The following NUP205 variants were observed in gnomAD, a reference collection of about 807,000 sequenced individuals.
The protein encoded by NUP205 is nuclear pore complex protein Nup205.
Under a neutral mutation model 253.8 loss-of-function variants are expected in NUP205, and 76 were observed. That is an observed-to-expected ratio of 0.30 (90% CI 0.25 to 0.36). The LOEUF (loss-of-function observed/expected upper bound fraction) is 0.36. Among genes scored for constraint, NUP205 ranks in the 10% least tolerant of loss-of-function variants. The probability of loss-of-function intolerance (pLI) is 1.00; values close to 1 mark genes in which losing one functional copy is unlikely to be tolerated. For synonymous variants in NUP205, 832 were observed against 850.1 expected, an observed-to-expected ratio of 0.98 and a Z score of 0.37; for missense variants, 2,162 against 2,425.5, an observed-to-expected ratio of 0.89 and a Z score of 2.28.
chr7:135,615,428 A>G (rs749032763), intron 23 of NUP205, among the ~76,000 whole-genome samples: 10 of 152,140 alleles, frequency 6.6e-5, no homozygotes, highest in Non-Finnish European at 1.0e-4. Context: ...AATAAAAACT[A>G]TTGTATAAGT....
chr7:135,617,141 TC>T lies in NUP205; in HGVS notation c.3587del (p.Pro1196LeufsTer42). 6.2e-7 allele frequency: 1 copy of T among 1,613,654 alleles called. No homozygotes were observed. The highest frequency in any genetic ancestry group is 8.5e-7 in the Non-Finnish European group (1 of 1,179,638). The stretch of plus-strand genomic sequence containing the variant: ...GACTCGATTGACTTCAGTCAGGAGA[TC>T]CCTGAGCCTTTGCAGTTGGATTTTT... Reference protein sequence around the residue: ...ILDSIDFSQEIPEPLQLDFFD... With the variant: ...ILDSIDFSQEXPEPLQLDFFD... On this transcript the variant is annotated frameshift_variant, in exon 26 of 43. Coordinates refer to ENST00000285968, the MANE Select transcript of NUP205 (RefSeq NM_015135.3). LOFTEE classifies it high-confidence loss of function.
chr7:135,567,124 G>GTATATGTATA (rs1310178860), intron 1 of NUP205, among the ~76,000 whole-genome samples: 1 of 24,238 alleles, frequency 4.1e-5, no homozygotes, highest in African/African-American at 1.6e-4. Flanking sequence ...CTCAGTCTAT[G>GTATATGTATA]TGTGTATATA....
At chr7:135,615,118 C>A (rs1220758654) in intron 23 of NUP205, among the ~76,000 whole-genome samples, 1 of 152,144 alleles carries the variant, frequency 6.6e-6, no homozygotes, top group Admixed American at 6.6e-5. Flanking sequence ...AAATTAACAT[C>A]TTACCTATTA....
At chr7:135,615,213 T>C (rs908581951) in intron 23 of NUP205, among the ~76,000 whole-genome samples, 2 of 152,160 alleles carry the variant, frequency 1.3e-5, no homozygotes, top group African/African-American at 4.8e-5. Flanking sequence ...GTTTATACTG[T>C]CACAGTTTAG....
At chr7:135,639,112 TA>T (rs1320201783) in intron 38 of NUP205, among the ~76,000 whole-genome samples, 1 of 152,192 alleles carries the variant, frequency 6.6e-6, no homozygotes, top group Non-Finnish European at 1.5e-5. Flanking sequence ...TAGGCCAACT[TA>T]CCCTATAATT....
chr7:135,591,466 T>G lies in NUP205; in HGVS notation c.1490T>G (p.Phe497Cys), dbSNP rs1806627079. 1 of 1,613,978 alleles carries G rather than the reference T, an allele frequency of 6.2e-7. No individual in the cohort carries two copies. The highest frequency in any genetic ancestry group is 8.5e-7 in the Non-Finnish European group (1 of 1,179,888). ...CTTTTTCAGGTTGTCTTGTCAAAGTTTGTTAGGCAAATGGGTGACCTGTTG... is the reference window on the plus strand; with the variant it reads ...CTTTTTCAGGTTGTCTTGTCAAAGTGTGTTAGGCAAATGGGTGACCTGTTG... ...PPQRQVVLSK[F>C]VRQMGDLLPP... is the part of the protein sequence containing the mutation. Residue 497 changes from phenylalanine (F) to cysteine (C), a missense_variant, in exon 11 of 43, where the codon TTT (phenylalanine) becomes TGT (cysteine). Phe to Cys is a radical substitution (Grantham distance 205). This residue lies in a region of NUP205 where 892 missense variants were observed against 957.1 expected (regional missense o/e 0.93). Coordinates refer to ENST00000285968, the MANE Select transcript of NUP205 (RefSeq NM_015135.3).
rs1793965004 is a variant in NUP205 at position 135,601,523 on chromosome 7, C to A, written c.2512+16C>A. On this transcript the variant is annotated intron_variant, in intron 17 of 42. Transcript: ENST00000285968. ...CCCTTTCCTGGTATATGCTTAAAAG[C>A]CTTCATGTCTTGCAAACAGCTTTGA... 1.4e-5 allele frequency: 22 copies of A among 1,601,598 alleles called. No individual in the cohort carries two copies. The highest frequency in any genetic ancestry group is 1.9e-5 in the Non-Finnish European group (22 of 1,176,154).
At chr7:135,586,796 A>G (rs1177758927) in intron 8 of NUP205, among the ~76,000 whole-genome samples, 1 of 152,120 alleles carries the variant, frequency 6.6e-6, no homozygotes, top group Non-Finnish European at 1.5e-5. Context: ...GTAGAATTTC[A>G]GTTGTATTAA....
In NUP205 at chr7:135,563,171, AT is replaced by A. The variant is rs1272655813; in HGVS notation, c.28+5203del. ...TCCTTCATATCCTGACCACAGTTGG[AT>A]TTTATTTTATTTTTATTTATTTTTT... On this transcript the variant is annotated intron_variant, in intron 1 of 42. Coordinates refer to ENST00000285968, the MANE Select transcript of NUP205 (RefSeq NM_015135.3). Among the ~76,000 whole-genome samples the A allele has an allele frequency of 4.6e-5, 7 of 151,640 alleles. No individual in the cohort carries two copies. In the East Asian group the frequency reaches 1.4e-3, roughly 29 times the overall value.
Position 135,648,398 on chromosome 7 carries a change from C to A in NUP205, c.5887-6C>A. ...TTTAACAAAATGTCTTTTGTGTCAC[C>A]GCTAGCTTCAGGCTGATGCAATCAA... On this transcript the variant is annotated splice_region_variant and splice_polypyrimidine_tract_variant and intron_variant, in intron 42 of 42. Transcript: ENST00000285968. The A allele has an allele frequency of 6.4e-7, 1 of 1,558,810 alleles. No homozygotes were observed. Among genetic ancestry groups the A allele is most frequent in the Non-Finnish European group, 8.6e-7 (1 of 1,158,358 alleles).
At chr7:135,587,019 A>C (rs1806482076) in intron 8 of NUP205, among the ~76,000 whole-genome samples, 5 of 149,656 alleles carry the variant, frequency 3.3e-5, no homozygotes, top group African/African-American at 1.2e-4. Flanking sequence ...AGGAGTGTTG[A>C]TATTTCCAAC....
At chr7:135,626,437 A>C in intron 33 of NUP205, 76 bp downstream of exon 33, 1 of 1,496,446 alleles carries the variant, frequency 6.7e-7, no homozygotes, top group Non-Finnish European at 9.1e-7. Flanking sequence ...TCCAAACATA[A>C]TTTTGCCGCT....
At position 135,598,160 on chromosome 7, in the gene NUP205, G is replaced by A. The variant is rs556648331; in HGVS notation, c.2227G>A (p.Val743Met). The A allele has an allele frequency of 6.2e-7, 1 of 1,614,102 alleles. No individual in the cohort carries two copies. The highest frequency in any genetic ancestry group is 1.1e-5 in the South Asian group (1 of 91,084). Residue 743 changes from valine to methionine, a missense_variant, in exon 15 of 43, where the codon GTG becomes ATG. Val to Met is a conservative substitution (Grantham distance 21). This residue lies in a region of NUP205 where 892 missense variants were observed against 957.1 expected (regional missense o/e 0.93). Transcript: ENST00000285968. ...TTATTTGCAGTTCCTTAGAGACTCT[G>A]TGTTTCTACGATTCCGTACAAGAGC... ...DPYLQFLRDS[V>M]FLRFRTRAYR...
intron 31 of NUP205, among the ~76,000 whole-genome samples, chr7:135,624,501 G>C (rs1477637689): frequency 1.3e-5 from 2 of 152,052 alleles, no homozygotes; most frequent in Non-Finnish European, 2.9e-5. Flanking sequence ...TCAGCCTTCC[G>C]AGTAGCTCAG....
rs750212342 is a variant in NUP205, at chr7:135,619,458, T to C, written c.3999T>C (p.Pro1333=). The C allele has an allele frequency of 6.2e-7, 1 of 1,613,340 alleles. No homozygotes were observed. The highest frequency in any genetic ancestry group is 1.1e-5 in the South Asian group (1 of 91,030). Residue 1333 remains proline (P), a synonymous_variant, in exon 29 of 43, where the codon CCT becomes CCC. Transcript: ENST00000285968. ...ATGAAGCTGCGCAAGAGTTAATGCC[T>C]GTGGTCGCCGGGGCAGTGTTCACAC... is the stretch of plus-strand genomic sequence containing the variant. ...LDDEAAQELM[P]VVAGAVFTLT... is the part of the protein sequence containing the mutation.
At chr7:135,630,221 G>T in intron 34 of NUP205, 123 bp from the exon 35 acceptor site, 1 of 580,760 alleles carries the variant, frequency 1.7e-6, no homozygotes, top group Non-Finnish European at 2.6e-6. Context: ...TTGTATTACT[G>T]AGTATTATGG....
At position 135,577,936 on chromosome 7, in the gene NUP205, A is replaced by G. The variant is rs116171760; in HGVS notation, c.789A>G (p.Ser263=). The G allele has an allele frequency of 2.1e-3, 3,409 of 1,614,102 alleles. 57 individuals carry two copies. In the African/African-American group the frequency reaches 0.04, roughly 19 times the overall value. The change falls in exon 6 of 43, where the codon TCA becomes TCG. Residue 263 remains serine, a synonymous_variant. Transcript: ENST00000285968. ...GAGTGACAGTTGAGGCTAATGGCTC[A>G]CTGGATGCAGTGAATCTGGCTCTTC... is the stretch of plus-strand genomic sequence containing the variant. ...LERVTVEANG[S]LDAVNLALLM...
intron 2 of NUP205, among the ~76,000 whole-genome samples, chr7:135,572,200 T>C (rs921564471): frequency 1.3e-5 from 2 of 152,206 alleles, no homozygotes. Context: ...TGTTATTCTC[T>C]ATAGAAGTTA....
chr7:135,645,898 G>T, intron 41 of NUP205: 1 of 574,964 alleles, frequency 1.7e-6, no homozygotes, highest in South Asian at 2.3e-5. Context: ...GATTCTTATT[G>T]CTGGAGTGGG....
Sources: allele counts gnomAD v4.1 joint callset (sites outside exome capture counted in the v4.1 genomes callset), GRCh38; gene constraint gnomAD v4.1.1; regional missense constraint gnomAD v4.1.1; transcripts MANE v1.5; gene names NCBI Gene and HGNC (gene_info 2026-07-23, HGNC 2026-07-21).